TNRC6A: variants seen among roughly 807,000 people sequenced by gnomAD.
TNRC6A encodes trinucleotide repeat-containing gene 6A protein.
Under a neutral mutation model 221.2 loss-of-function variants are expected in TNRC6A, and 44 were observed. That is an observed-to-expected ratio of 0.20 (90% CI 0.16 to 0.26). The LOEUF is 0.26. Among genes scored for constraint, TNRC6A ranks in the 10% least tolerant of loss-of-function variants. TNRC6A has a pLI of 1.00. For missense variants in TNRC6A, 2,199 were observed against 2,404.4 expected (o/e 0.91, Z 1.79); for synonymous variants, 847 against 838.5 (o/e 1.01, Z -0.18).
At chr16:24,747,100 GT>G (rs1049471775) in intron 2 of TNRC6A, among the ~76,000 whole-genome samples, 2 of 151,998 alleles carry the variant, frequency 1.3e-5, no homozygotes, top group Admixed American at 6.6e-5. Flanking sequence ...TGATCTATTT[GT>G]TTTTTCAGAT....
At chr16:24,687,822 GGAA>G (rs369284205) in intron 2 of TNRC6A, among the ~76,000 whole-genome samples, 1 of 44,660 alleles carries the variant, frequency 2.2e-5, no homozygotes, top group Non-Finnish European at 5.0e-5. Flanking sequence ...AAGAGGAAGA[GGAA>G]GAAGAGGAAG....
intron 4 of TNRC6A, among the ~76,000 whole-genome samples, chr16:24,764,970 G>A (rs1286246299): frequency 6.6e-6 from 1 of 152,160 alleles, no homozygotes; most frequent in African/African-American, 2.4e-5. Context: ...ATAGTTATCA[G>A]AATTTGGTCC....
intron 2 of TNRC6A, among the ~76,000 whole-genome samples, chr16:24,648,637 T>C (rs1902445152): frequency 6.6e-6 from 1 of 152,184 alleles, no homozygotes; most frequent in Non-Finnish European, 1.5e-5. Context: ...TGTCTGCATC[T>C]TCACCAACAC....
chr16:24,799,361 T>G (rs1270316467), intron 11 of TNRC6A, among the ~76,000 whole-genome samples: 1 of 152,222 alleles, frequency 6.6e-6, no homozygotes, highest in Non-Finnish European at 1.5e-5. Context: ...TGTACTCTTC[T>G]GCACGCATTT....
At chr16:24,814,510 G>C (rs756414973) in intron 18 of TNRC6A, among the ~76,000 whole-genome samples, 18 of 148,212 alleles carry the variant, frequency 1.2e-4, no homozygotes, top group Non-Finnish European at 2.1e-4. Context: ...CCGGGTTCAA[G>C]CGATTCTCCT....
At chr16:24,822,761 C>T in intron 23 of TNRC6A, 113 bp from the exon 24 acceptor site, 1 of 1,417,262 alleles carries the variant, frequency 7.1e-7, no homozygotes, top group Middle Eastern at 2.5e-4. Context: ...AAGAGTGGTG[C>T]CAGGAGCACA....
intron 2 of TNRC6A, chr16:24,664,877 C>G (rs764227759): frequency 6.6e-6 from 3 of 453,320 alleles, no homozygotes; most frequent in Non-Finnish European, 1.3e-5. Context: ...TCAGAGAAAA[C>G]GTGTTTGATT....
intron 2 of TNRC6A, among the ~76,000 whole-genome samples, chr16:24,711,035 C>G (rs568685399): frequency 6.6e-6 from 1 of 151,184 alleles, no homozygotes; most frequent in African/African-American, 2.4e-5. Context: ...GCCACCACAC[C>G]GGGCAAATTT....
At chr16:24,643,106 AT>A (rs1902069718) in intron 2 of TNRC6A, among the ~76,000 whole-genome samples, 4 of 59,112 alleles carry the variant, frequency 6.8e-5, no homozygotes, top group Non-Finnish European at 3.5e-5. Context: ...ATATATATAT[AT>A]AAAATATATA....
At chr16:24,680,010 C>A (rs1165666026) in intron 2 of TNRC6A, among the ~76,000 whole-genome samples, 2 of 152,210 alleles carry the variant, frequency 1.3e-5, no homozygotes, top group African/African-American at 4.8e-5. Flanking sequence ...TGTAGCTACA[C>A]ATAAATGTAT....
intron 1 of TNRC6A, among the ~76,000 whole-genome samples, chr16:24,639,971 T>G (rs981185000): frequency 2.6e-5 from 4 of 152,196 alleles, no homozygotes; most frequent in Non-Finnish European, 4.4e-5. Context: ...CACTGTTTTT[T>G]TGACAGTGAT....
intron 1 of TNRC6A, among the ~76,000 whole-genome samples, chr16:24,629,750 A>C (rs1901236743): frequency 1.3e-5 from 2 of 152,146 alleles, no homozygotes; most frequent in South Asian, 4.1e-4. Flanking sequence ...AGGCCGAGGC[A>C]GGTGAATTGT....
chr16:24,637,038 T>C (rs1381343951), intron 1 of TNRC6A, among the ~76,000 whole-genome samples: 2 of 152,122 alleles, frequency 1.3e-5, no homozygotes, highest in East Asian at 3.9e-4. Context: ...TGTTTGTTTT[T>C]CTTTTTGTTT....
At chr16:24,699,311 A>G (rs1423354793) in intron 2 of TNRC6A, among the ~76,000 whole-genome samples, 1 of 152,196 alleles carries the variant, frequency 6.6e-6, no homozygotes, top group Non-Finnish European at 1.5e-5. Context: ...GGGCAGCACT[A>G]CAGAGCACAG....
chr16:24,751,423 G>A (rs1368621055), intron 3 of TNRC6A, among the ~76,000 whole-genome samples: 3 of 152,062 alleles, frequency 2.0e-5, no homozygotes, highest in Non-Finnish European at 4.4e-5. Context: ...TACTGCAAGG[G>A]AATTCTAAAC....
intron 1 of TNRC6A, among the ~76,000 whole-genome samples, chr16:24,622,149 G>A (rs1354207987): frequency 1.3e-5 from 2 of 152,086 alleles, no homozygotes; most frequent in East Asian, 1.9e-4. Flanking sequence ...GCCAGCCATG[G>A]TGGCTCATGT....
chr16:24,672,144 C>T (rs970943485), intron 2 of TNRC6A, among the ~76,000 whole-genome samples: 19 of 151,994 alleles, frequency 1.3e-4, no homozygotes, highest in Non-Finnish European at 2.6e-4. Context: ...TTTTTTGAGA[C>T]GGAGTCTTGC....
At chr16:24,670,052 C>G (rs1387670018) in intron 2 of TNRC6A, among the ~76,000 whole-genome samples, 3 of 146,104 alleles carry the variant, frequency 2.1e-5, no homozygotes, top group African/African-American at 7.5e-5. Flanking sequence ...CAGGCTCAAG[C>G]AATTCCCATG....
At chr16:24,717,153 C>T (rs12444677) in intron 2 of TNRC6A, among the ~76,000 whole-genome samples, 21 of 152,042 alleles carry the variant, frequency 1.4e-4, no homozygotes, top group Admixed American at 1.3e-3. Context: ...GGTGCAATCA[C>T]GGCTCCTTGC....
Sources: gnomAD v4.1 joint callset for allele counts (sites outside exome capture counted in the v4.1 genomes callset) on GRCh38, gnomAD v4.1.1 for gene constraint, MANE v1.5 for transcripts, NCBI Gene and HGNC (gene_info 2026-07-23, HGNC 2026-07-21) for gene names.